KAZN: variants seen among roughly 807,000 people sequenced by gnomAD.
KAZN encodes the protein kazrin.
In KAZN, 40 loss-of-function variants were observed where a neutral mutation model predicts 87.4. That is an observed-to-expected ratio of 0.46 (90% CI 0.36 to 0.60). The LOEUF is 0.60. KAZN is among the 20% of genes least tolerant of loss of function. The pLI is 0.00. For missense variants in KAZN, 898 were observed against 1,073.9 expected, an observed-to-expected ratio of 0.84 and a Z score of 2.29; for synonymous variants, 466 against 458.3, an observed-to-expected ratio of 1.02 and a Z score of -0.22.
intron 2 of KAZN, among the ~76,000 whole-genome samples, chr1:15,016,317 C>T (rs888580445): frequency 2.6e-5 from 4 of 152,178 alleles, no homozygotes; most frequent in Non-Finnish European, 5.9e-5. Context: ...CAGAGTCTCA[C>T]TTTTGTTGCC....
At chr1:14,053,548 G>C (rs1018358378) in intron 1 of KAZN, among the ~76,000 whole-genome samples, 3 of 152,148 alleles carry the variant, frequency 2.0e-5, no homozygotes, top group African/African-American at 7.2e-5. Context: ...GAGGAAAACT[G>C]TCTGATGACA....
chr1:14,296,879 G>A (rs1030344204), intron 2 of KAZN, among the ~76,000 whole-genome samples: 4 of 151,816 alleles, frequency 2.6e-5, no homozygotes, highest in African/African-American at 7.3e-5. Context: ...CACCCACCTC[G>A]GCTTCCCAAA....
At chr1:15,054,872 C>T (rs141660041) in intron 4 of KAZN, among the ~76,000 whole-genome samples, 2 of 152,262 alleles carry the variant, frequency 1.3e-5, no homozygotes, top group African/African-American at 4.8e-5. Context: ...CAGCCTCACA[C>T]TTGTCCCTGG....
intron 1 of KAZN, among the ~76,000 whole-genome samples, chr1:13,904,408 C>T (rs1461294805): frequency 6.6e-6 from 1 of 152,134 alleles, no homozygotes; most frequent in Non-Finnish European, 1.5e-5. Context: ...TCAGGCCAGT[C>T]ACAGCTGAGA....
chr1:14,407,643 TTA>T (rs1663970921), intron 2 of KAZN, among the ~76,000 whole-genome samples: 2 of 152,200 alleles, frequency 1.3e-5, no homozygotes, highest in South Asian at 2.1e-4. Flanking sequence ...TACACTCATG[TTA>T]TGTCATTTTA....
At chr1:14,366,940 G>A (rs1240134257) in intron 2 of KAZN, among the ~76,000 whole-genome samples, 2 of 152,198 alleles carry the variant, frequency 1.3e-5, no homozygotes, top group African/African-American at 2.4e-5. Context: ...TATTGCCAAT[G>A]AAAATGGCTA....
upstream of KAZN, among the ~76,000 whole-genome samples, chr1:14,594,159 T>C (rs1207080607): frequency 6.6e-6 from 1 of 152,190 alleles, no homozygotes; most frequent in East Asian, 1.9e-4. Flanking sequence ...TGCCACTTGT[T>C]TTAGCTTAAT....
chr1:13,984,498 AT>A (rs1417434147), intron 1 of KAZN, among the ~76,000 whole-genome samples: 1 of 152,186 alleles, frequency 6.6e-6, no homozygotes, highest in Admixed American at 6.5e-5. Flanking sequence ...AATAATTCTA[AT>A]TTTTTTGGAA....
chr1:14,386,129 T>C (rs1267837287), intron 2 of KAZN, among the ~76,000 whole-genome samples: 33 of 147,746 alleles, frequency 2.2e-4, no homozygotes, highest in African/African-American at 7.0e-4. Context: ...GAGACTAGGA[T>C]TGCAACCCCT....
At chr1:14,386,640 C>T (rs905096285) in intron 2 of KAZN, among the ~76,000 whole-genome samples, 22 of 152,086 alleles carry the variant, frequency 1.4e-4, no homozygotes, top group Non-Finnish European at 2.6e-4. Flanking sequence ...TGAATATTGG[C>T]CCCCACTCTC....
chr1:15,109,303 T>A (rs1641404639), intron 13 of KAZN, among the ~76,000 whole-genome samples: 1 of 152,102 alleles, frequency 6.6e-6, no homozygotes, highest in Non-Finnish European at 1.5e-5. Flanking sequence ...GAGGATCACC[T>A]GAGCCCAGTA....
chr1:14,699,418 AT>A (rs529851274), intron 1 of KAZN, among the ~76,000 whole-genome samples: 310 of 152,330 alleles, frequency 2.0e-3, no homozygotes, highest in Middle Eastern at 0.01. Flanking sequence ...ACAAATATGC[AT>A]TGAGCATTAT....
intron 4 of KAZN, among the ~76,000 whole-genome samples, chr1:15,045,380 C>G (rs1195311894): frequency 6.6e-6 from 1 of 152,168 alleles, no homozygotes; most frequent in East Asian, 1.9e-4. Flanking sequence ...TCTCTGGACT[C>G]CATATCCATC....
intron 2 of KAZN, among the ~76,000 whole-genome samples, chr1:14,275,292 AC>A: frequency 6.6e-6 from 1 of 152,086 alleles, no homozygotes; most frequent in East Asian, 1.9e-4. Context: ...CATCAGTATC[AC>A]CCAGAAATTT....
rs866505079 is a variant in KAZN, at chr1:14,924,455, C to T, written c.227-36229C>T. The stretch of plus-strand genomic sequence containing the variant: ...GCCTTCCTGCGGGGCGGGGGCCGGG[C>T]CCGCGCGGCCCCCGGGACCCGCAGC... On this transcript the variant is annotated intron_variant, in intron 1 of 14. Coordinates refer to ENST00000376030, the MANE Select transcript of KAZN (RefSeq NM_201628.3). The T allele has an allele frequency of 4.7e-5, 46 of 989,170 alleles. No individual in the cohort carries two copies. In the Middle Eastern group the frequency reaches 3.1e-3, roughly 67 times the overall value. 61.3% of individuals were successfully genotyped at this position (989,170 alleles called of 1,614,324 possible).
chr1:14,407,104 A>G (rs1663914158), intron 2 of KAZN, among the ~76,000 whole-genome samples: 1 of 152,210 alleles, frequency 6.6e-6, no homozygotes, highest in Non-Finnish European at 1.5e-5. Flanking sequence ...TTCACTCAAC[A>G]TTACACTAGC....
chr1:14,954,226 A>T (rs934885113), intron 1 of KAZN, among the ~76,000 whole-genome samples: 1 of 152,198 alleles, frequency 6.6e-6, no homozygotes. Flanking sequence ...ACTTCCTGCT[A>T]CCATGGCCAA....
At position 14,781,138 on chromosome 1, in the gene KAZN, C is replaced by T. The variant is rs1298487535; in HGVS notation, c.227-179546C>T. Reference sequence around the variant, plus strand: ...GAGATCGAGACCATCCTGGCTAACACGGTGAAACCCCGTCTCTACTAAAAA... The same window carrying T: ...GAGATCGAGACCATCCTGGCTAACATGGTGAAACCCCGTCTCTACTAAAAA... On this transcript the variant is annotated intron_variant, in intron 1 of 14. Coordinates refer to ENST00000376030, the MANE Select transcript of KAZN (RefSeq NM_201628.3). Among the ~76,000 whole-genome samples the T allele has an allele frequency of 1.2e-4, 18 of 152,138 alleles. No individual in the cohort carries two copies. In the South Asian group the frequency reaches 3.5e-3, roughly 30 times the overall value.
At chr1:14,737,174 G>C (rs1643933776) in intron 1 of KAZN, among the ~76,000 whole-genome samples, 2 of 152,170 alleles carry the variant, frequency 1.3e-5, no homozygotes, top group Admixed American at 6.5e-5. Context: ...ATCAACGAGA[G>C]CAGTGTGGAT....
Sources: allele counts gnomAD v4.1 joint callset (sites outside exome capture counted in the v4.1 genomes callset), GRCh38; gene constraint gnomAD v4.1.1; transcripts MANE v1.5; gene names NCBI Gene and HGNC (gene_info 2026-07-23, HGNC 2026-07-21).